Variants in STAR observed in about 807,000 individuals in gnomAD.
STAR encodes the protein steroidogenic acute regulatory protein, mitochondrial.
Under a neutral mutation model 32.3 loss-of-function variants are expected in STAR, and 32 were observed. The ratio of observed to expected loss-of-function variants is 0.99; its 90% CI spans 0.75 to 1.33. The LOEUF (loss-of-function observed/expected upper bound fraction) is 1.33, where lower values mean the gene tolerates loss of function less well. Ranked by LOEUF, STAR falls within the 40% of genes most tolerant of loss-of-function variation. STAR has a pLI of 0.00. For missense variants in STAR, 375 were observed against 379.0 expected, an observed-to-expected ratio of 0.99 and a Z score of 0.09; for synonymous variants, 134 against 140.5, an observed-to-expected ratio of 0.95 and a Z score of 0.33.
chr8:38,148,693 G>A lies in STAR; in HGVS notation c.126C>T (p.Gly42=), dbSNP rs879184594. 3.1e-6 allele frequency: 5 copies of A among 1,614,068 alleles called. No homozygotes were observed. The highest frequency in any genetic ancestry group is 4.2e-6 in the Non-Finnish European group (5 of 1,180,030). Residue 42 remains glycine (G), a synonymous_variant, in exon 2 of 7, where the codon GGC becomes GGT. Coordinates refer to ENST00000276449, the MANE Select transcript of STAR (RefSeq NM_000349.3). The stretch of plus-strand genomic sequence containing the variant: ...GGTTAATCCACGTGCTAGGGGTGGG[G>A]CCCCCCAGGGCCCTCCGGTTCAGCT... The part of the protein sequence containing the change: ...SQELNRRALG[G]PTPSTWINQV...
chr8:38,146,310 G>A lies in STAR; in HGVS notation c.444C>T (p.Asn148=). The change falls in exon 4 of 7, where the codon AAC becomes AAT. Residue 148 remains asparagine (N), a synonymous_variant. Coordinates refer to ENST00000276449, the MANE Select transcript of STAR (RefSeq NM_000349.3). ...VERMEAMGEW[N]PNVKEIKVLQ... is the part of the protein sequence containing the mutation. ...TCACCTTGATCTCCTTGACATTGGG[G>A]TTCCACTCCCCCATTGCTTCCATGC... 1 of 1,613,996 alleles carries A rather than the reference G, an allele frequency of 6.2e-7. No individual in the cohort carries two copies. Among genetic ancestry groups the A allele is most frequent in the Non-Finnish European group, 8.5e-7 (1 of 1,180,022 alleles).
chr8:38,144,415 A>G (rs769085883), intron 6 of STAR, 29 bp from the exon 7 acceptor site: 2 of 1,563,354 alleles, frequency 1.3e-6, no homozygotes, highest in Admixed American at 3.8e-5. Flanking sequence ...GAATTTGGCC[A>G]TCTTGTGGGT....
rs72556520 is a variant in STAR at position 38,143,151 on chromosome 8, A to T, written c.*1122T>A. Among the ~76,000 whole-genome samples, 354 of 152,272 alleles carry T rather than the reference A, an allele frequency of 2.3e-3. 2 individuals carry two copies. The highest frequency in any genetic ancestry group is 7.4e-3 in the African/African-American group (307 of 41,538). On this transcript the variant is annotated 3_prime_UTR_variant, in exon 7 of 7. Transcript: ENST00000276449. ...TTTAGGTTATGATTATGGAAATTAA[A>T]TTTTTATGAAAGATCCTGGTAACAG...
intron 6 of STAR, chr8:38,145,009 GAAAAAAAAA>G (rs140343934): frequency 1.6e-5 from 18 of 1,152,138 alleles, no homozygotes; most frequent in Admixed American, 4.0e-5. Context: ...ACTGAGTCTC[GAAAAAAAAA>G]AAAAAAAAAA....
At position 38,148,661 on chromosome 8, in the gene STAR, C is replaced by T. The variant is rs529036391; in HGVS notation, c.158G>A (p.Arg53Gln). Reference protein sequence around the residue: ...PTPSTWINQVRRRSSLLGSRL... With the variant: ...PTPSTWINQVQRRSSLLGSRL... The stretch of plus-strand genomic sequence containing the variant: ...CTTACCGAGTAGAGAGCTCCGCCGC[C>T]GAACCTGGTTAATCCACGTGCTAGG... Residue 53 changes from arginine to glutamine, a missense_variant, in exon 2 of 7, where the codon CGG becomes CAG. Physicochemically the swap from Arg to Gln is conservative, Grantham distance 43. Transcript: ENST00000276449. 56 of 1,614,034 alleles carry T rather than the reference C, an allele frequency of 3.5e-5. No individual in the cohort carries two copies. Among genetic ancestry groups the T allele is most frequent in the Non-Finnish European group, 4.3e-5 (51 of 1,180,042 alleles).
rs1802516699 is a variant in STAR, at chr8:38,144,100, G to A, written c.*173C>T. On this transcript the variant is annotated 3_prime_UTR_variant, in exon 7 of 7. Transcript: ENST00000276449. Reference sequence around the variant, plus strand: ...CCAAGAGCCTCATCCCTGTTTTCTTGGTACTAAAAACTTTCACCAATCTGA... The same window carrying A: ...CCAAGAGCCTCATCCCTGTTTTCTTAGTACTAAAAACTTTCACCAATCTGA... The A allele has an allele frequency of 4.4e-6, 3 of 683,572 alleles. No individual in the cohort carries two copies. The highest frequency in any genetic ancestry group is 7.9e-6 in the Non-Finnish European group (3 of 381,670). The allele number at this position is 683,572 out of a possible 1,614,324, so 42.3% of individuals were successfully genotyped here. A position where few individuals can be genotyped will look rare whatever the true frequency, so the allele number is the denominator to read the frequency against.
Position 38,148,667 on chromosome 8 carries a change from T to C in STAR, c.152A>G (p.Gln51Arg). Residue 51 changes from glutamine (Q) to arginine (R), a missense_variant, in exon 2 of 7, where the codon CAG (glutamine) becomes CGG (arginine). Coordinates refer to ENST00000276449, the MANE Select transcript of STAR (RefSeq NM_000349.3). Reference sequence around the variant, plus strand: ...GAGTAGAGAGCTCCGCCGCCGAACCTGGTTAATCCACGTGCTAGGGGTGGG... The same window carrying C: ...GAGTAGAGAGCTCCGCCGCCGAACCCGGTTAATCCACGTGCTAGGGGTGGG... ...GGPTPSTWIN[Q>R]VRRRSSLLGS... The C allele has an allele frequency of 6.2e-7, 1 of 1,614,168 alleles. No homozygotes were observed. Among genetic ancestry groups the C allele is most frequent in the Non-Finnish European group, 8.5e-7 (1 of 1,180,044 alleles).
In STAR at chr8:38,148,705, C is replaced by T. The variant is rs1802619909; in HGVS notation, c.114G>A (p.Arg38=). The T allele has an allele frequency of 1.2e-6, 2 of 1,613,990 alleles. No individual in the cohort carries two copies. Among genetic ancestry groups the T allele is most frequent in the Non-Finnish European group, 1.7e-6 (2 of 1,180,046 alleles). ...VMAISQELNR[R]ALGGPTPSTW... ...TGCTAGGGGTGGGGCCCCCCAGGGCCCTCCGGTTCAGCTCCTGGCTGATGG... is the reference window on the plus strand; with the variant it reads ...TGCTAGGGGTGGGGCCCCCCAGGGCTCTCCGGTTCAGCTCCTGGCTGATGG... Residue 38 remains arginine (R), a synonymous_variant, in exon 2 of 7, where the codon AGG becomes AGA. Coordinates refer to ENST00000276449, the MANE Select transcript of STAR (RefSeq NM_000349.3).
At chr8:38,145,868 G>A in intron 5 of STAR, 95 bp downstream of exon 5, 1 of 1,518,564 alleles carries the variant, frequency 6.6e-7, no homozygotes, top group South Asian at 1.1e-5. Context: ...CCAAGGGTTG[G>A]TTTCTTGGAG....
chr8:38,144,958 G>A, intron 6 of STAR: 1 of 1,262,132 alleles, frequency 7.9e-7, no homozygotes, highest in Non-Finnish European at 1.0e-6. Context: ...ACGGTGAGCT[G>A]AGACCATGTC....
At chr8:38,146,211 C>T in intron 4 of STAR, 64 bp from the exon 5 acceptor site, 1 of 1,613,124 alleles carries the variant, frequency 6.2e-7, no homozygotes, top group Non-Finnish European at 8.5e-7. Flanking sequence ...CCCCCCACAG[C>T]TAGGGGTCCT....
intron 1 of STAR, 186 bp from the exon 2 acceptor site, chr8:38,148,940 C>A (rs1563268937): frequency 1.6e-6 from 1 of 609,324 alleles, no homozygotes; most frequent in East Asian, 2.9e-5. Context: ...GGCAGTGCTC[C>A]AGGGTCCAGA....
intron 6 of STAR, chr8:38,144,806 T>C: frequency 1.4e-5 from 8 of 581,032 alleles, no homozygotes; most frequent in South Asian, 2.2e-5. Flanking sequence ...GTCAGGAGTT[T>C]GAGACCAGCC....
At position 38,145,955 on chromosome 8, in the gene STAR, C is replaced by T. The variant is rs749788244; in HGVS notation, c.650+8G>A. 5.6e-6 allele frequency: 9 copies of T among 1,613,168 alleles called. No individual in the cohort carries two copies. The East Asian group carries it at 6.7e-5, about 12-fold the overall frequency. On this transcript the variant is annotated splice_region_variant and intron_variant, in intron 5 of 6. Coordinates refer to ENST00000276449, the MANE Select transcript of STAR (RefSeq NM_000349.3). ...AGAGGGGGGTTTGGAGCCTGCTGCC[C>T]GTATTACCTGATGACACCCTTCTGC...
Position 38,146,321 on chromosome 8 carries a change from C to T in STAR, c.433G>A (p.Gly145Arg), listed in dbSNP as rs80231229. The change falls in exon 4 of 7, where the codon GGG (glycine) becomes AGG (arginine). Residue 145 changes from glycine (G) to arginine (R), a missense_variant. Transcript: ENST00000276449. ...TCCTTGACATTGGGGTTCCACTCCC[C>T]CATTGCTTCCATGCGCTCCACGAGC... is the stretch of plus-strand genomic sequence containing the variant. ...EELVERMEAM[G>R]EWNPNVKEIK... 4.3e-4 allele frequency: 691 copies of T among 1,614,136 alleles called. 1 individual carries two copies. The African/African-American group carries it at 8.5e-3, about 20-fold the overall frequency.
At position 38,146,108 on chromosome 8, in the gene STAR, C is replaced by T. The variant is rs747169620; in HGVS notation, c.505G>A (p.Glu169Lys). 4 of 1,614,164 alleles carry T rather than the reference C, an allele frequency of 2.5e-6. No homozygotes were observed. The highest frequency in any genetic ancestry group is 2.2e-5 in the East Asian group (1 of 44,880). Residue 169 changes from glutamate to lysine, a missense_variant, in exon 5 of 7, where the codon GAG becomes AAG. Glu to Lys is a moderately conservative substitution (Grantham distance 56). Transcript: ENST00000276449. ...TTTCCTGCTGCCTCGGCAGCCAGCT[C>T]GTGAGTAATGAATGTATCTTTTCCG... is the stretch of plus-strand genomic sequence containing the variant. ...KIGKDTFITH[E>K]LAAEAAGNLV... is the part of the protein sequence containing the mutation.
rs1802505736 is a variant in STAR, at chr8:38,143,571, C to A, written c.*702G>T. 1 of 153,176 alleles carries A rather than the reference C, an allele frequency of 6.5e-6. No individual in the cohort carries two copies. The highest frequency in any genetic ancestry group is 2.4e-5 in the African/African-American group (1 of 41,430). 9.5% of individuals were successfully genotyped at this position (153,176 alleles called of 1,614,324 possible). The stretch of plus-strand genomic sequence containing the variant: ...CCGCCTACCTCAGCCTCCCAAAATG[C>A]TGGGATTACAGGCGTGAGCCACTGC... On this transcript the variant is annotated 3_prime_UTR_variant, in exon 7 of 7. Coordinates refer to ENST00000276449, the MANE Select transcript of STAR (RefSeq NM_000349.3).
Position 38,144,393 on chromosome 8 carries a change from T to C in STAR, c.745-7A>G. 1.9e-6 allele frequency: 3 copies of C among 1,580,366 alleles called. No individual in the cohort carries two copies. The highest frequency in any genetic ancestry group is 1.7e-6 in the Non-Finnish European group (2 of 1,163,012). ...TGCTCTTGGGCAGCCACCCCTGCAG[T>C]AGGAGGTAGGAGAATTTGGCCATCT... On this transcript the variant is annotated splice_polypyrimidine_tract_variant and splice_region_variant and intron_variant, in intron 6 of 6. Transcript: ENST00000276449.
rs1170630756 is a variant in STAR at position 38,148,664 on chromosome 8, A to G, written c.155T>C (p.Val52Ala). Residue 52 changes from valine to alanine, a missense_variant, in exon 2 of 7, where the codon GTT (valine) becomes GCT (alanine). Physicochemically the swap from Val to Ala is moderately conservative, Grantham distance 64 (BLOSUM62 0). Coordinates refer to ENST00000276449, the MANE Select transcript of STAR (RefSeq NM_000349.3). ...ACCGAGTAGAGAGCTCCGCCGCCGA[A>G]CCTGGTTAATCCACGTGCTAGGGGT... is the stretch of plus-strand genomic sequence containing the variant. ...GPTPSTWINQ[V>A]RRRSSLLGSR... is the part of the protein sequence containing the mutation. The G allele has an allele frequency of 3.7e-6, 6 of 1,614,044 alleles. No individual in the cohort carries two copies. Among genetic ancestry groups the G allele is most frequent in the Admixed American group, 1.7e-5 (1 of 60,006 alleles).
Sources: allele counts gnomAD v4.1 joint callset (sites outside exome capture counted in the v4.1 genomes callset), GRCh38; gene constraint gnomAD v4.1.1; transcripts MANE v1.5; gene names NCBI Gene and HGNC (gene_info 2026-07-23, HGNC 2026-07-21).